RIT2: variants seen among roughly 807,000 people sequenced by gnomAD.
RIT2 encodes Ras like without CAAX 2, also known as GTP-binding protein Rit2.
RIT2 carries 24 observed loss-of-function variants against 23.7 expected under a neutral mutation model. The ratio of observed to expected loss-of-function variants is 1.01; its 90% CI spans 0.73 to 1.43. The LOEUF (loss-of-function observed/expected upper bound fraction) is 1.43, where lower values mean the gene tolerates loss of function less well. Ranked by LOEUF, RIT2 falls within the 40% of genes most tolerant of loss-of-function variation. RIT2 has a pLI of 0.00. For missense variants in RIT2, 236 were observed against 266.9 expected, an observed-to-expected ratio of 0.88 and a Z score of 0.81; for synonymous variants, 107 against 91.1, an observed-to-expected ratio of 1.17 and a Z score of -0.99.
intron 1 of RIT2, among the ~76,000 whole-genome samples, chr18:43,071,246 T>C (rs1912889838): frequency 6.6e-6 from 1 of 152,154 alleles, no homozygotes; most frequent in Non-Finnish European, 1.5e-5. Context: ...CAAAACCATC[T>C]TGGTGTCAGG....
intron 1 of RIT2, among the ~76,000 whole-genome samples, chr18:43,069,141 A>T (rs1206637763): frequency 6.6e-6 from 1 of 152,178 alleles, no homozygotes; most frequent in Non-Finnish European, 1.5e-5. Flanking sequence ...TATAGTAATG[A>T]AGAAAATTAA....
At chr18:43,088,893 G>GA (rs1199103317) in intron 1 of RIT2, among the ~76,000 whole-genome samples, 1 of 151,950 alleles carries the variant, frequency 6.6e-6, no homozygotes, top group Non-Finnish European at 1.5e-5. Context: ...GTTAATTACG[G>GA]AAAAAACATG....
At chr18:42,857,898 A>C (rs1353395287) in intron 4 of RIT2, among the ~76,000 whole-genome samples, 1 of 152,142 alleles carries the variant, frequency 6.6e-6, no homozygotes, top group Admixed American at 6.5e-5. Context: ...TAACATTTGC[A>C]GGCTGTGCAC....
chr18:42,894,091 C>T (rs1183582580), intron 4 of RIT2, among the ~76,000 whole-genome samples: 1 of 152,188 alleles, frequency 6.6e-6, no homozygotes, highest in Non-Finnish European at 1.5e-5. Context: ...AGAAAGAGCA[C>T]AGCTTAGCTG....
chr18:42,911,320 A>T (rs1457420222), intron 4 of RIT2, among the ~76,000 whole-genome samples: 1 of 152,074 alleles, frequency 6.6e-6, no homozygotes, highest in African/African-American at 2.4e-5. Context: ...AATAATAAAG[A>T]TAACATCAGA....
intron 2 of RIT2, among the ~76,000 whole-genome samples, chr18:42,983,937 G>C (rs1403699074): frequency 6.6e-6 from 1 of 152,020 alleles, no homozygotes; most frequent in Admixed American, 6.6e-5. Context: ...CAACCACTCT[G>C]AAGATTGTTT....
At chr18:43,019,174 C>G (rs1424234420) in intron 2 of RIT2, among the ~76,000 whole-genome samples, 1 of 151,558 alleles carries the variant, frequency 6.6e-6, no homozygotes, top group East Asian at 1.9e-4. Context: ...AATACACATA[C>G]AGACCGAAAA....
chr18:43,049,082 T>A (rs1912317270), intron 1 of RIT2, among the ~76,000 whole-genome samples: 1 of 152,172 alleles, frequency 6.6e-6, no homozygotes, highest in Admixed American at 6.6e-5. Context: ...GTAGCATCAC[T>A]AGTATGGCAC....
intron 1 of RIT2, among the ~76,000 whole-genome samples, chr18:43,036,521 C>T (rs1178804282): frequency 1.3e-5 from 2 of 152,126 alleles, no homozygotes; most frequent in Non-Finnish European, 2.9e-5. Flanking sequence ...GCCTGGGTGA[C>T]ACAGCCAGAC....
intron 4 of RIT2, among the ~76,000 whole-genome samples, chr18:42,903,324 A>C (rs1908526967): frequency 6.6e-6 from 1 of 152,096 alleles, no homozygotes; most frequent in Non-Finnish European, 1.5e-5. Flanking sequence ...AAAATATAGA[A>C]GATATTTCAT....
At chr18:42,839,745 G>C (rs776451401) in intron 4 of RIT2, among the ~76,000 whole-genome samples, 9 of 152,136 alleles carry the variant, frequency 5.9e-5, no homozygotes, top group African/African-American at 9.7e-5. Flanking sequence ...TTAAGACTGA[G>C]AGAATGAACA....
chr18:42,951,623 T>C (rs1166744043), intron 3 of RIT2, among the ~76,000 whole-genome samples: 2 of 152,050 alleles, frequency 1.3e-5, no homozygotes, highest in African/African-American at 2.4e-5. Context: ...AAACATTATA[T>C]GATCCAGTAA....
At chr18:42,807,791 ATGTGTGTGTGTGTG>A (rs10551770) in intron 4 of RIT2, among the ~76,000 whole-genome samples, 9 of 147,496 alleles carry the variant, frequency 6.1e-5, no homozygotes, top group African/African-American at 2.2e-4. Flanking sequence ...CACAAAGTGA[ATGTGTGTGTGTGTG>A]TGTGTGTGTG....
chr18:42,873,324 A>T (rs1264265463), intron 4 of RIT2, among the ~76,000 whole-genome samples: 2 of 152,190 alleles, frequency 1.3e-5, no homozygotes, highest in African/African-American at 2.4e-5. Context: ...GTGGAAAAAC[A>T]TTTAAAGTCT....
intron 4 of RIT2, among the ~76,000 whole-genome samples, chr18:42,879,875 T>C (rs190910099): frequency 6.6e-6 from 1 of 152,336 alleles, no homozygotes; most frequent in East Asian, 1.9e-4. Flanking sequence ...GATTGAGTTT[T>C]AATCTCAATG....
At position 42,836,981 on chromosome 18, in the gene RIT2, A is replaced by G. The variant is rs558351264; in HGVS notation, c.426+86591T>C. Among the ~76,000 whole-genome samples the G allele has an allele frequency of 7.2e-5, 11 of 152,170 alleles. No individual in the cohort carries two copies. The South Asian group carries it at 1.5e-3, about 20-fold the overall frequency. ...TCACTAATGCATAATTTTTCAAACT[A>G]TCTATGGAGACAGCTGTCGTTTTCT... On this transcript the variant is annotated intron_variant, in intron 4 of 4. Coordinates refer to ENST00000326695, the MANE Select transcript of RIT2 (RefSeq NM_002930.4).
chr18:42,996,721 C>T (rs1023834631), intron 2 of RIT2, among the ~76,000 whole-genome samples: 1 of 151,804 alleles, frequency 6.6e-6, no homozygotes, highest in African/African-American at 2.4e-5. Context: ...ACTCTTTTTT[C>T]GGACTCAGCC....
At position 42,865,268 on chromosome 18, in the gene RIT2, T is replaced by C. The variant is rs568329781; in HGVS notation, c.426+58304A>G. On this transcript the variant is annotated intron_variant, in intron 4 of 4. Coordinates refer to ENST00000326695, the MANE Select transcript of RIT2 (RefSeq NM_002930.4). The stretch of plus-strand genomic sequence containing the variant: ...CCAATGTGTCCCTGGGCATGCTATG[T>C]TGGGCCTCAGTCCACTTACTTTCCT... 5.9e-5 allele frequency among the ~76,000 whole-genome samples: 9 copies of C among 152,326 alleles called. No homozygotes were observed. In the South Asian group the frequency reaches 1.5e-3, roughly 25 times the overall value.
At chr18:43,035,342 A>T (rs1939821613) in intron 1 of RIT2, among the ~76,000 whole-genome samples, 1 of 152,220 alleles carries the variant, frequency 6.6e-6, no homozygotes, top group African/African-American at 2.4e-5. Context: ...TAGCCTGAGG[A>T]GTTAGAATAC....
Sources: allele counts gnomAD v4.1 joint callset (sites outside exome capture counted in the v4.1 genomes callset), GRCh38; gene constraint gnomAD v4.1.1; transcripts MANE v1.5; gene names NCBI Gene and HGNC (gene_info 2026-07-23, HGNC 2026-07-21).